SDK1: variants seen among roughly 807,000 people sequenced by gnomAD.
The protein encoded by SDK1 is sidekick cell adhesion molecule 1.
In SDK1, 157 loss-of-function variants were observed where a neutral mutation model predicts 245.5. The observed-to-expected ratio is 0.64, with a 90% CI of 0.56 to 0.73. The LOEUF (loss-of-function observed/expected upper bound fraction) is 0.73, where lower values mean the gene tolerates loss of function less well. Ranked by LOEUF, SDK1 falls within the 30% of genes least tolerant of loss-of-function variation. SDK1 has a pLI of 0.00. For missense variants in SDK1, 3,583 were observed against 3,002.3 expected (o/e 1.19, Z -4.52); for synonymous variants, 1,647 against 1,278.5 (o/e 1.29, Z -6.15).
At chr7:3,512,292 T>G (rs1114779) in intron 1 of SDK1, among the ~76,000 whole-genome samples, 39,475 of 152,014 alleles carry the variant, frequency 0.26, 5,316 homozygotes, top group East Asian at 0.33. Flanking sequence ...CTCATTTGTT[T>G]GATAACTCAC....
chr7:4,087,831 A>G (rs1242300506), intron 22 of SDK1, among the ~76,000 whole-genome samples: 1 of 152,132 alleles, frequency 6.6e-6, no homozygotes, highest in Non-Finnish European at 1.5e-5. Flanking sequence ...CTGAATTTCC[A>G]TCTGGAGAAT....
chr7:4,131,179 A>G (rs983801231), intron 27 of SDK1, among the ~76,000 whole-genome samples: 8 of 152,156 alleles, frequency 5.3e-5, no homozygotes, highest in East Asian at 1.9e-4. Flanking sequence ...CCTATTAGAA[A>G]CTGTGTGTAA....
At position 4,087,479 on chromosome 7, in the gene SDK1, G is replaced by GCACACACA. The variant is rs10660112; in HGVS notation, c.3324+7907_3324+7914dup. Among the ~76,000 whole-genome samples the GCACACACA allele has an allele frequency of 1.0e-3, 154 of 150,354 alleles. 1 individual carries two copies. Among genetic ancestry groups the GCACACACA allele is most frequent in the African/African-American group, 2.1e-3 (88 of 40,954 alleles). ...TGTGTGTGCACAGACACACACGCGC[G>GCACACACA]CACACACACACACACACACGCATTG... On this transcript the variant is annotated intron_variant, in intron 22 of 44. Coordinates refer to ENST00000404826, the MANE Select transcript of SDK1 (RefSeq NM_152744.4).
At chr7:3,721,487 A>C (rs1252049262) in intron 4 of SDK1, among the ~76,000 whole-genome samples, 1 of 152,228 alleles carries the variant, frequency 6.6e-6, no homozygotes, top group Non-Finnish European at 1.5e-5. Context: ...AACATCAAAT[A>C]ATAAGGCTTT....
At chr7:3,636,370 C>T (rs6462203) in intron 2 of SDK1, among the ~76,000 whole-genome samples, 10 of 151,836 alleles carry the variant, frequency 6.6e-5, no homozygotes, top group African/African-American at 2.4e-4. Context: ...CCCCGCTTCC[C>T]CTCCCCTGTA....
chr7:4,267,784 C>T lies in SDK1; in HGVS notation c.*2400C>T, dbSNP rs184406629. 2.0e-6 allele frequency: 2 copies of T among 985,510 alleles called. No homozygotes were observed. The highest frequency in any genetic ancestry group is 6.1e-5 in the Admixed American group (1 of 16,284). The allele number at this position is 985,510 out of a possible 1,614,324, so 61.0% of individuals were successfully genotyped here. ...CCGTCTCCCCTCCACTCTTAGTAAA[C>T]CTTGATCTGTACGGAGCGGCCTGTC... On this transcript the variant is annotated 3_prime_UTR_variant, in exon 45 of 45. Coordinates refer to ENST00000404826, the MANE Select transcript of SDK1 (RefSeq NM_152744.4).
intron 1 of SDK1, among the ~76,000 whole-genome samples, chr7:3,378,006 T>C (rs902958790): frequency 2.0e-5 from 3 of 152,244 alleles, no homozygotes; most frequent in African/African-American, 7.2e-5. Flanking sequence ...CTTGAACTCC[T>C]GGGCTCAAGT....
At chr7:3,461,884 T>C (rs77568668) in intron 1 of SDK1, among the ~76,000 whole-genome samples, 147 of 152,266 alleles carry the variant, frequency 9.7e-4, no homozygotes, top group African/African-American at 3.5e-3. Flanking sequence ...GTACTATCAA[T>C]TTATCTTTTC....
chr7:4,164,211 CT>C (rs1033605666), intron 32 of SDK1, among the ~76,000 whole-genome samples: 1 of 152,232 alleles, frequency 6.6e-6, no homozygotes, highest in African/African-American at 2.4e-5. Flanking sequence ...ACCTCTGCCC[CT>C]GGGAAGCCAC....
At chr7:3,819,417 T>C (rs903258323) in intron 4 of SDK1, among the ~76,000 whole-genome samples, 2 of 152,168 alleles carry the variant, frequency 1.3e-5, no homozygotes, top group African/African-American at 4.8e-5. Context: ...GGATATTTTA[T>C]AAGGATACTT....
chr7:4,032,876 G>A (rs1037584455), intron 17 of SDK1, among the ~76,000 whole-genome samples: 2 of 152,196 alleles, frequency 1.3e-5, no homozygotes, highest in African/African-American at 4.8e-5. Context: ...CAACATCACA[G>A]GGAAGTTAGT....
intron 17 of SDK1, among the ~76,000 whole-genome samples, chr7:4,045,813 G>T (rs1788980065): frequency 6.6e-6 from 1 of 152,144 alleles, no homozygotes; most frequent in Admixed American, 6.5e-5. Flanking sequence ...TGGTAAATGG[G>T]ATGGTGAGGT....
chr7:3,496,059 G>C (rs896837330), intron 1 of SDK1, among the ~76,000 whole-genome samples: 7 of 152,134 alleles, frequency 4.6e-5, no homozygotes, highest in Non-Finnish European at 7.3e-5. Flanking sequence ...TTTCCCAGGA[G>C]AGAGCTGATA....
At chr7:4,188,241 C>T (rs745454943) in intron 35 of SDK1, among the ~76,000 whole-genome samples, 27 of 152,236 alleles carry the variant, frequency 1.8e-4, no homozygotes, top group Admixed American at 3.9e-4. Context: ...CTACAGCCAA[C>T]GTCCTGAGGT....
chr7:3,966,588 T>G (rs1782101587), intron 9 of SDK1, among the ~76,000 whole-genome samples: 1 of 152,172 alleles, frequency 6.6e-6, no homozygotes. Context: ...ATGGAGGTCT[T>G]TGAAACCTGG....
At chr7:3,533,347 TGA>T (rs1343675315) in intron 1 of SDK1, among the ~76,000 whole-genome samples, 3 of 152,154 alleles carry the variant, frequency 2.0e-5, no homozygotes, top group Non-Finnish European at 4.4e-5. Flanking sequence ...CTGATAAAGA[TGA>T]GAGGACACTG....
At chr7:3,929,288 G>A (rs1456984675) in intron 5 of SDK1, among the ~76,000 whole-genome samples, 1 of 152,212 alleles carries the variant, frequency 6.6e-6, no homozygotes, top group Non-Finnish European at 1.5e-5. Flanking sequence ...ATTCCTCGGT[G>A]TGTTGTGGAC....
intron 4 of SDK1, among the ~76,000 whole-genome samples, chr7:3,803,138 A>G (rs1779147427): frequency 6.6e-6 from 1 of 152,102 alleles, no homozygotes; most frequent in African/African-American, 2.4e-5. Context: ...TACATTAGCC[A>G]TTTTAATAGG....
At chr7:3,608,130 C>G (rs1035406544) in intron 1 of SDK1, among the ~76,000 whole-genome samples, 1 of 152,190 alleles carries the variant, frequency 6.6e-6, no homozygotes, top group Non-Finnish European at 1.5e-5. Flanking sequence ...TGCCACACAC[C>G]TATGAGTAAA....
Sources: allele counts gnomAD v4.1 joint callset (sites outside exome capture counted in the v4.1 genomes callset), GRCh38; gene constraint gnomAD v4.1.1; transcripts MANE v1.5; gene names NCBI Gene and HGNC (gene_info 2026-07-23, HGNC 2026-07-21).